ERI1: variants seen among roughly 807,000 people sequenced by gnomAD.
ERI1 encodes the protein exoribonuclease 1.
ERI1 carries 39 observed loss-of-function variants against 39.7 expected under a neutral mutation model. The observed-to-expected ratio is 0.98, with a 90% confidence interval of 0.76 to 1.28. ERI1 has a LOEUF of 1.28. ERI1 is among the 50% of genes most tolerant of loss of function. The probability of loss-of-function intolerance (pLI) is 0.00; values close to 1 mark genes in which losing one functional copy is unlikely to be tolerated. For synonymous variants in ERI1, 204 were observed against 149.6 expected (o/e 1.36, Z -2.65); for missense variants, 581 against 416.9 (o/e 1.39, Z -3.43).
chr8:9,039,583 G>A (rs1797954064), intron 3 of ERI1, among the ~76,000 whole-genome samples: 1 of 152,130 alleles, frequency 6.6e-6, no homozygotes, highest in Non-Finnish European at 1.5e-5. Flanking sequence ...AAGTTATTTA[G>A]GAAGCAAGTT....
At chr8:9,008,932 T>C (rs1816356323) in intron 2 of ERI1, 1 of 446,634 alleles carries the variant, frequency 2.2e-6, no homozygotes, top group South Asian at 1.6e-5. Context: ...GTTTCACCAC[T>C]CTTCAAAAGA....
chr8:9,073,458 G>C (rs1799118638), intron 3 of ERI1, among the ~76,000 whole-genome samples: 1 of 152,196 alleles, frequency 6.6e-6, no homozygotes, highest in Non-Finnish European at 1.5e-5. Flanking sequence ...TTAGCAAATA[G>C]AGCATTGTAA....
chr8:9,003,905 C>A (rs772374192), intron 1 of ERI1, among the ~76,000 whole-genome samples: 1 of 152,208 alleles, frequency 6.6e-6, no homozygotes, highest in Non-Finnish European at 1.5e-5. Flanking sequence ...CTAACTCTTG[C>A]TCCTTCCGTC....
intron 3 of ERI1, among the ~76,000 whole-genome samples, chr8:9,015,897 G>C (rs1283185240): frequency 6.6e-6 from 1 of 152,096 alleles, no homozygotes; most frequent in Non-Finnish European, 1.5e-5. Context: ...CTATTCAGGA[G>C]TAAATGAGAG....
At chr8:9,043,845 G>T (rs544344517) in intron 3 of ERI1, among the ~76,000 whole-genome samples, 59 of 152,160 alleles carry the variant, frequency 3.9e-4, no homozygotes, top group Non-Finnish European at 4.3e-4. Context: ...TAATTGTATT[G>T]TTTATATTCA....
At chr8:9,014,974 A>G (rs1039915319) in intron 3 of ERI1, among the ~76,000 whole-genome samples, 1 of 152,092 alleles carries the variant, frequency 6.6e-6, no homozygotes, top group African/African-American at 2.4e-5. Context: ...AGTAGTTGGA[A>G]CTATACGTGC....
intron 3 of ERI1, among the ~76,000 whole-genome samples, chr8:9,064,829 C>G (rs542002825): frequency 5.3e-5 from 8 of 152,218 alleles, no homozygotes; most frequent in African/African-American, 1.2e-4. Flanking sequence ...ACCAAACAGG[C>G]TTTGTGTGAG....
intron 1 of ERI1, among the ~76,000 whole-genome samples, chr8:9,003,616 C>T (rs1161496006): frequency 6.6e-6 from 1 of 152,152 alleles, no homozygotes; most frequent in East Asian, 1.9e-4. Context: ...TGTCTCTGTA[C>T]CTGTTAAGTG....
intron 3 of ERI1, among the ~76,000 whole-genome samples, chr8:9,013,091 T>A (rs771693695): frequency 1.3e-5 from 2 of 152,034 alleles, no homozygotes; most frequent in Non-Finnish European, 2.9e-5. Context: ...CCCAGCTGAC[T>A]GCAACCTCCA....
intron 3 of ERI1, among the ~76,000 whole-genome samples, chr8:9,074,118 T>G (rs1799136098): frequency 6.6e-6 from 1 of 151,684 alleles, no homozygotes; most frequent in Non-Finnish European, 1.5e-5. Context: ...TTTTTTCGTT[T>G]TTGTTTTTTT....
intron 3 of ERI1, among the ~76,000 whole-genome samples, chr8:9,077,342 C>A (rs1448428368): frequency 2.0e-5 from 3 of 152,178 alleles, no homozygotes; most frequent in African/African-American, 4.8e-5. Context: ...GGGAACTTTC[C>A]TTTTACCTTC....
chr8:9,006,532 A>G (rs187401332), intron 1 of ERI1, among the ~76,000 whole-genome samples: 2 of 152,352 alleles, frequency 1.3e-5, no homozygotes, highest in East Asian at 1.9e-4. Flanking sequence ...GAAATTTACT[A>G]AATGATGACT....
chr8:9,040,730 G>T (rs1000737775), intron 3 of ERI1, among the ~76,000 whole-genome samples: 3 of 50,364 alleles, frequency 6.0e-5, no homozygotes, highest in African/African-American at 1.7e-4. Flanking sequence ...GTGTGTGTGT[G>T]GGGGGGGGGT....
intron 3 of ERI1, among the ~76,000 whole-genome samples, chr8:9,096,399 A>G (rs942086891): frequency 6.6e-6 from 1 of 152,096 alleles, no homozygotes; most frequent in African/African-American, 2.4e-5. Flanking sequence ...GTTCTTCATC[A>G]AGGGATTGGC....
intron 6 of ERI1, among the ~76,000 whole-genome samples, chr8:9,023,989 A>G (rs2117268702): frequency 6.6e-6 from 1 of 151,596 alleles, no homozygotes; most frequent in East Asian, 1.9e-4. Context: ...TTTAGTAGAG[A>G]CGGGGTTTCA....
chr8:9,014,073 C>T (rs1482797902), intron 3 of ERI1, among the ~76,000 whole-genome samples: 4 of 152,312 alleles, frequency 2.6e-5, no homozygotes, highest in African/African-American at 2.4e-5. Flanking sequence ...TGCAATGGCT[C>T]CTCATTTAAC....
rs189386102 is a variant in ERI1, at chr8:9,028,191, A to G, written c.808-1601A>G. On this transcript the variant is annotated intron_variant, in intron 6 of 6. Coordinates refer to ENST00000250263, the MANE Select transcript of ERI1 (RefSeq NM_153332.4). ...TTTGCTTGAATTCAGCAGCAAAGCTATCTGGTTCAGCGCTTTTCTTTGTTA... is the reference window on the plus strand; with the variant it reads ...TTTGCTTGAATTCAGCAGCAAAGCTGTCTGGTTCAGCGCTTTTCTTTGTTA... 3.3e-5 allele frequency among the ~76,000 whole-genome samples: 5 copies of G among 152,338 alleles called. No individual in the cohort carries two copies. The East Asian group carries it at 7.7e-4, about 23-fold the overall frequency.
intron 5 of ERI1, among the ~76,000 whole-genome samples, chr8:9,019,917 A>G (rs1817703486): frequency 6.6e-6 from 1 of 152,214 alleles, no homozygotes; most frequent in Non-Finnish European, 1.5e-5. Flanking sequence ...GGTTAGTGTT[A>G]TAGAAAAATG....
intron 3 of ERI1, among the ~76,000 whole-genome samples, chr8:9,049,486 G>C (rs1031696533): frequency 2.2e-4 from 33 of 151,246 alleles, no homozygotes; most frequent in African/African-American, 8.0e-4. Context: ...CCTGCAACTA[G>C]ACCTTTGGAT....
Sources: allele counts gnomAD v4.1 joint callset (sites outside exome capture counted in the v4.1 genomes callset), GRCh38; gene constraint gnomAD v4.1.1; transcripts MANE v1.5; gene names NCBI Gene and HGNC (gene_info 2026-07-23, HGNC 2026-07-21).